The following UNC5C variants were observed in gnomAD, a reference collection of about 807,000 sequenced individuals.
UNC5C encodes the protein netrin receptor UNC5C.
In UNC5C, 47 loss-of-function variants were observed where a neutral mutation model predicts 99.8. That is an observed-to-expected ratio of 0.47 (90% CI 0.37 to 0.60). The LOEUF (loss-of-function observed/expected upper bound fraction) is 0.60, where lower values mean the gene tolerates loss of function less well. Among genes scored for constraint, UNC5C ranks in the 20% least tolerant of loss-of-function variants. The pLI, the probability that UNC5C is intolerant of heterozygous loss-of-function variation, is 0.00. For missense variants in UNC5C, 1,062 were observed against 1,165.9 expected (o/e 0.91, Z 1.30); for synonymous variants, 487 against 452.2 (o/e 1.08, Z -0.98).
intron 1 of UNC5C, among the ~76,000 whole-genome samples, chr4:95,443,054 A>T (rs1329025211): frequency 6.6e-6 from 1 of 152,176 alleles, no homozygotes; most frequent in Non-Finnish European, 1.5e-5. Flanking sequence ...GAAGCTGGGG[A>T]TATTTTAGCC....
intron 1 of UNC5C, among the ~76,000 whole-genome samples, chr4:95,529,922 C>T (rs1397911551): frequency 6.6e-6 from 1 of 152,120 alleles, no homozygotes; most frequent in Non-Finnish European, 1.5e-5. Context: ...ATTTTACACT[C>T]CTTTTTTAAT....
At chr4:95,520,170 T>C (rs1205859388) in intron 1 of UNC5C, among the ~76,000 whole-genome samples, 4 of 152,220 alleles carry the variant, frequency 2.6e-5, no homozygotes, top group Admixed American at 6.5e-5. Flanking sequence ...AAGAGATCTC[T>C]AGATCTTTCT....
intron 1 of UNC5C, among the ~76,000 whole-genome samples, chr4:95,424,183 T>C (rs1380257346): frequency 6.6e-6 from 1 of 152,154 alleles, no homozygotes; most frequent in Non-Finnish European, 1.5e-5. Flanking sequence ...GATGAGTGAC[T>C]TCTGAAGGTA....
chr4:95,288,071 T>TTTATTTATTTATTTATTTATTTA (rs1380119860), intron 3 of UNC5C, among the ~76,000 whole-genome samples: 1 of 149,882 alleles, frequency 6.7e-6, no homozygotes, highest in African/African-American at 2.5e-5. Context: ...AGATTATTTA[T>TTTATTTATTTATTTATTTATTTA]TTATTTATTT....
chr4:95,206,597 G>A, intron 11 of UNC5C, 31 bp downstream of exon 11: 1 of 1,613,290 alleles, frequency 6.2e-7, no homozygotes, highest in Non-Finnish European at 8.5e-7. Context: ...GATTATTCTT[G>A]CATAGCATCT....
At chr4:95,344,821 C>A (rs1020167148) in intron 1 of UNC5C, among the ~76,000 whole-genome samples, 3 of 151,658 alleles carry the variant, frequency 2.0e-5, no homozygotes, top group Admixed American at 1.3e-4. Context: ...CTCATGATAA[C>A]CTCAAATCAG....
At position 95,217,826 on chromosome 4, in the gene UNC5C, G is replaced by T. The variant is rs150006434; in HGVS notation, c.1645+1143C>A. Among the ~76,000 whole-genome samples, 920 of 152,236 alleles carry T rather than the reference G, an allele frequency of 6.0e-3. 12 individuals are homozygous for T. Among genetic ancestry groups the T allele is most frequent in the African/African-American group, 0.021 (874 of 41,546 alleles). On this transcript the variant is annotated intron_variant, in intron 9 of 15. Transcript: ENST00000453304. ...TCATTCAATAATGGACTGTTATAAAGATATTTAAAATCATGATTTTAAAGA... is the reference window on the plus strand; with the variant it reads ...TCATTCAATAATGGACTGTTATAAATATATTTAAAATCATGATTTTAAAGA...
In UNC5C at chr4:95,470,134, G is replaced by A. The variant is rs1747921114; in HGVS notation, c.124+78600C>T. On this transcript the variant is annotated intron_variant, in intron 1 of 15. Transcript: ENST00000453304. ...ATGGGTTTGTGTATATTTTATGATA[G>A]TAAATGATAAAATAGACTAGTATGT... Among the ~76,000 whole-genome samples the A allele has an allele frequency of 8.5e-5, 13 of 152,156 alleles. No individual in the cohort carries two copies. In the South Asian group the frequency reaches 2.7e-3, roughly 32 times the overall value.
chr4:95,432,987 T>C (rs1384867), intron 1 of UNC5C, among the ~76,000 whole-genome samples: 20,066 of 152,162 alleles, frequency 0.13, 1,880 homozygotes, highest in Admixed American at 0.28. Context: ...AAGAAACAAT[T>C]GTTCTTTCTT....
intron 1 of UNC5C, among the ~76,000 whole-genome samples, chr4:95,535,753 C>G (rs1297254043): frequency 2.0e-5 from 3 of 151,888 alleles, no homozygotes; most frequent in African/African-American, 7.3e-5. Context: ...ATATTTTTTT[C>G]AAAGTAATTT....
chr4:95,415,080 T>C (rs945813345), intron 1 of UNC5C, among the ~76,000 whole-genome samples: 1 of 152,108 alleles, frequency 6.6e-6, no homozygotes, highest in African/African-American at 2.4e-5. Context: ...TCTTTTCTTG[T>C]CTTCTGGATA....
intron 1 of UNC5C, among the ~76,000 whole-genome samples, chr4:95,539,801 TA>T (rs1027654351): frequency 6.6e-6 from 1 of 152,030 alleles, no homozygotes; most frequent in Non-Finnish European, 1.5e-5. Context: ...TTTAATTCAA[TA>T]AAAAATGGCA....
chr4:95,365,074 C>T (rs1261213466), intron 1 of UNC5C, among the ~76,000 whole-genome samples: 1 of 151,312 alleles, frequency 6.6e-6, no homozygotes, highest in Non-Finnish European at 1.5e-5. Context: ...AAAGGCGGAT[C>T]ACCTGAGGTC....
At chr4:95,436,678 G>A (rs1388990049) in intron 1 of UNC5C, among the ~76,000 whole-genome samples, 1 of 151,786 alleles carries the variant, frequency 6.6e-6, no homozygotes, top group Non-Finnish European at 1.5e-5. Flanking sequence ...AGAATATTTT[G>A]CTAATATATA....
chr4:95,180,912 T>C (rs1736585970), intron 14 of UNC5C, among the ~76,000 whole-genome samples: 1 of 152,166 alleles, frequency 6.6e-6, no homozygotes, highest in Non-Finnish European at 1.5e-5. Flanking sequence ...GGTTTGTCAA[T>C]CATCTTGTAC....
intron 7 of UNC5C, among the ~76,000 whole-genome samples, chr4:95,234,394 T>C (rs1323958524): frequency 6.9e-6 from 1 of 144,470 alleles, no homozygotes; most frequent in Non-Finnish European, 1.5e-5. Context: ...TTTTTTATTA[T>C]ACTTTAAGTT....
intron 1 of UNC5C, among the ~76,000 whole-genome samples, chr4:95,422,578 C>T (rs1000360341): frequency 7.9e-5 from 12 of 151,802 alleles, no homozygotes. Context: ...AGAATGTTTT[C>T]TTGCAAACTG....
At chr4:95,180,058 A>ATGGCATCAG (rs1382902941) in intron 14 of UNC5C, among the ~76,000 whole-genome samples, 1 of 152,104 alleles carries the variant, frequency 6.6e-6, no homozygotes, top group Admixed American at 6.6e-5. Flanking sequence ...TGTTATCCTT[A>ATGGCATCAG]TGGCATCAGT....
chr4:95,520,254 T>C lies in UNC5C; in HGVS notation c.124+28480A>G, dbSNP rs191502522. On this transcript the variant is annotated intron_variant, in intron 1 of 15. Transcript: ENST00000453304. ...ATATTGATATTTTGTCGTGTCATTC[T>C]TTCAAGATAATACAATTAATTTTAA... is the stretch of plus-strand genomic sequence containing the variant. 1.1e-3 allele frequency among the ~76,000 whole-genome samples: 161 copies of C among 152,348 alleles called. 1 individual carries two copies. The highest frequency in any genetic ancestry group is 3.6e-3 in the African/African-American group (149 of 41,584).
Sources: gnomAD v4.1 joint callset for allele counts (sites outside exome capture counted in the v4.1 genomes callset) on GRCh38, gnomAD v4.1.1 for gene constraint, MANE v1.5 for transcripts, NCBI Gene and HGNC (gene_info 2026-07-23, HGNC 2026-07-21) for gene names.